ACTL9: variants seen among roughly 807,000 people sequenced by gnomAD.
ACTL9 encodes actin like 9.
ACTL9 carries 1 observed loss-of-function variant against 0.9 expected under a neutral mutation model. That is an observed-to-expected ratio of 1.10 (90% confidence interval 0.39 to 5.23). ACTL9 has a LOEUF of 5.23. Among genes scored for constraint, ACTL9 ranks in the 30% most tolerant of loss-of-function variants. The pLI is 0.16. For synonymous variants in ACTL9, 283 were observed against 269.5 expected (o/e 1.05, Z -0.49); for missense variants, 597 against 566.8 (o/e 1.05, Z -0.54).
rs782177702 is a variant in ACTL9 at position 8,697,676 on chromosome 19, A to C, written c.1026T>G (p.Gly342=). 1.2e-6 allele frequency: 2 copies of C among 1,613,018 alleles called. No homozygotes were observed. The highest frequency in any genetic ancestry group is 1.7e-5 in the Admixed American group (1 of 59,986). The change falls in exon 1 of 1, where the codon GGT becomes GGG. Residue 342 remains glycine (G), a synonymous_variant. Transcript: ENST00000324436. This position sits in a 1 kb window ranked among gnomAD's most constrained non-coding sequence, Gnocchi z 4.3. ...ADLAQNVLLC[G]GSSLFTGFEG... ...CGAAGCCGGTGAAGAGCGAGGACCC[A>C]CCGCAGAGAAGCACGTTTTGGGCCA...
Position 8,698,786 on chromosome 19 carries a change from G to C in ACTL9, c.-85C>G, listed in dbSNP as rs1395901365. ...GGTTGAGGCCCGGCCAGTGGGGAGG[G>C]CAGGCAGACAGGGGGAGGGGTGGGC... On this transcript the variant is annotated 5_prime_UTR_variant, in exon 1 of 1. Transcript: ENST00000324436. 1.5e-6 allele frequency: 2 copies of C among 1,302,748 alleles called. No individual in the cohort carries two copies. Among genetic ancestry groups the C allele is most frequent in the Non-Finnish European group, 2.0e-6 (2 of 977,164 alleles). The allele number at this position is 1,302,748 out of a possible 1,614,324, so 80.7% of individuals were successfully genotyped here.
At position 8,698,300 on chromosome 19, in the gene ACTL9, C is replaced by T; in HGVS notation, c.402G>A (p.Glu134=). The T allele has an allele frequency of 3.9e-6, 6 of 1,537,146 alleles. No individual in the cohort carries two copies. The highest frequency in any genetic ancestry group is 5.3e-6 in the Non-Finnish European group (6 of 1,140,112). ...AAELIWRHLL[E]HDLRVATHDH... is the part of the protein sequence containing the mutation. ...CGTGGGTGGCCACTCGGAGGTCGTG[C>T]TCCAGCAGGTGGCGCCAGATGAGCT... The change falls in exon 1 of 1, where the codon GAG becomes GAA. Residue 134 remains glutamate, a synonymous_variant. Coordinates refer to ENST00000324436, the MANE Select transcript of ACTL9 (RefSeq NM_178525.5).
rs376723016 is a variant in ACTL9, at chr19:8,698,266, G to A, written c.436C>T (p.Leu146=). ...CTGAAGGGTGGGTCGGAGAACAGCA[G>A]CGGGTGGTCGTGGGTGGCCACTCGG... ...DLRVATHDHP[L]LFSDPPFSPA... is the part of the protein sequence containing the mutation. The change falls in exon 1 of 1, where the codon CTG becomes TTG. Residue 146 remains leucine, a synonymous_variant. Coordinates refer to ENST00000324436, the MANE Select transcript of ACTL9 (RefSeq NM_178525.5). 1.9e-6 allele frequency: 3 copies of A among 1,554,790 alleles called. No individual in the cohort carries two copies. Among genetic ancestry groups the A allele is most frequent in the East Asian group, 4.5e-5 (2 of 44,278 alleles).
rs142929347 is a variant in ACTL9 at position 8,697,921 on chromosome 19, C to G, written c.781G>C (p.Val261Leu). 3 of 1,613,634 alleles carry G rather than the reference C, an allele frequency of 1.9e-6. No individual in the cohort carries two copies. The highest frequency in any genetic ancestry group is 1.7e-5 in the Admixed American group (1 of 60,026). ...TGCTCCTTCTGGAAGTCGGAGGCCA[C>G]GTAGCAATAGTGGTGCTTAATGTTC... is the stretch of plus-strand genomic sequence containing the variant. Reference protein sequence around the residue: ...VENIKHHYCYVASDFQKEQAR... With the variant: ...VENIKHHYCYLASDFQKEQAR... Residue 261 changes from valine to leucine, a missense_variant, in exon 1 of 1, where the codon GTG becomes CTG. Coordinates refer to ENST00000324436, the MANE Select transcript of ACTL9 (RefSeq NM_178525.5). This position sits in a 1 kb window ranked among gnomAD's most constrained non-coding sequence, Gnocchi z 4.3.
In ACTL9 at chr19:8,698,445, G is replaced by A. The variant is rs781989540; in HGVS notation, c.257C>T (p.Pro86Leu). Reference protein sequence around the residue: ...ATILGCQPKKPATSGQSGLQT... With the variant: ...ATILGCQPKKLATSGQSGLQT... ...CAGCCCGGACTGCCCCGAGGTGGCG[G>A]GTTTCTTGGGCTGGCAGCCCAGGAT... The change falls in exon 1 of 1, where the codon CCC becomes CTC. Residue 86 changes from proline (P) to leucine (L), a missense_variant. By Grantham distance (98) the Pro-to-Leu change is moderately conservative. Coordinates refer to ENST00000324436, the MANE Select transcript of ACTL9 (RefSeq NM_178525.5). 6.6e-7 allele frequency: 1 copy of A among 1,526,586 alleles called. No homozygotes were observed. Among genetic ancestry groups the A allele is most frequent in the South Asian group, 1.3e-5 (1 of 77,182 alleles). The allele number at this position is 1,526,586 out of a possible 1,614,324, so 94.6% of individuals were successfully genotyped here. A position where few individuals can be genotyped will look rare whatever the true frequency, so the allele number is the denominator to read the frequency against.
chr19:8,698,775 C>A lies in ACTL9; in HGVS notation c.-74G>T. 12 of 1,330,492 alleles carry A rather than the reference C, an allele frequency of 9.0e-6. No homozygotes were observed. Among genetic ancestry groups the A allele is most frequent in the South Asian group, 7.9e-5 (4 of 50,934 alleles). 82.4% of individuals were successfully genotyped at this position (1,330,492 alleles called of 1,614,324 possible). ...CGGGGAGAAGAGGTTGAGGCCCGGC[C>A]AGTGGGGAGGGCAGGCAGACAGGGG... On this transcript the variant is annotated 5_prime_UTR_variant, in exon 1 of 1. Transcript: ENST00000324436.
Position 8,697,667 on chromosome 19 carries a change from C to G in ACTL9, c.1035G>C (p.Ser345=). The G allele has an allele frequency of 6.2e-7, 1 of 1,612,860 alleles. No individual in the cohort carries two copies. Among genetic ancestry groups the G allele is most frequent in the Non-Finnish European group, 8.5e-7 (1 of 1,179,826 alleles). The part of the protein sequence containing the change: ...AQNVLLCGGS[S]LFTGFEGRFR... ...AGCGACCCTCGAAGCCGGTGAAGAGCGAGGACCCACCGCAGAGAAGCACGT... is the reference window on the plus strand; with the variant it reads ...AGCGACCCTCGAAGCCGGTGAAGAGGGAGGACCCACCGCAGAGAAGCACGT... Residue 345 remains serine, a synonymous_variant, in exon 1 of 1, where the codon TCG becomes TCC. Transcript: ENST00000324436. The surrounding 1 kb of genome is among the most constrained non-coding windows in gnomAD (Gnocchi z 4.3).
chr19:8,697,610 G>A lies in ACTL9; in HGVS notation c.1092C>T (p.Ala364=). The part of the protein sequence containing the change: ...FRAELLRALP[A]ETHVVVAAQP... ...GGGCAGCCACCACCACGTGGGTCTC[G>A]GCTGGCAGAGCGCGCAGCAGCTCTG... Residue 364 remains alanine (A), a synonymous_variant, in exon 1 of 1, where the codon GCC becomes GCT. Coordinates refer to ENST00000324436, the MANE Select transcript of ACTL9 (RefSeq NM_178525.5). The surrounding 1 kb of genome is among the most constrained non-coding windows in gnomAD (Gnocchi z 4.3). The A allele has an allele frequency of 1.2e-5, 19 of 1,612,902 alleles. No homozygotes were observed. The highest frequency in any genetic ancestry group is 1.5e-5 in the Non-Finnish European group (18 of 1,179,860).
In ACTL9 at chr19:8,698,164, G is replaced by A. The variant is rs1398192506; in HGVS notation, c.538C>T (p.Gln180Ter). 1.2e-6 allele frequency: 2 copies of A among 1,608,818 alleles called. No individual in the cohort carries two copies. Among genetic ancestry groups the A allele is most frequent in the African/African-American group, 2.7e-5 (2 of 74,946 alleles). ...TGGGCGTAGACAGACAGCACCGACTGCGATGCCACGTACATGGCTGGGGAG... is the reference window on the plus strand; with the variant it reads ...TGGGCGTAGACAGACAGCACCGACTACGATGCCACGTACATGGCTGGGGAG... ...LRSPAMYVAS[Q>*]SVLSVYAHGR... The change falls in exon 1 of 1, where the codon CAG (glutamine) becomes TAG (stop). Residue 180 changes from glutamine (Q) to a stop codon, truncating the protein, a stop_gained. Coordinates refer to ENST00000324436, the MANE Select transcript of ACTL9 (RefSeq NM_178525.5). LOFTEE classifies it low-confidence loss of function (END_TRUNC).
rs541084329 is a variant in ACTL9, at chr19:8,697,453, A to C, written c.1249T>G (p.Ter417GlyextTer?). Residue 417 changes from the stop codon to glycine (G), a stop_lost, in exon 1 of 1, where the codon TGA (stop) becomes GGA (glycine). Transcript: ENST00000324436. The surrounding 1 kb of genome is among the most constrained non-coding windows in gnomAD (Gnocchi z 4.3). Reference sequence around the variant, plus strand: ...CGCCCTCCCCAGCTCTGCCCTGGTCAGTAGCATTTGCGGTACACGATATAG... The same window carrying C: ...CGCCCTCCCCAGCTCTGCCCTGGTCCGTAGCATTTGCGGTACACGATATAG... ...GPYIVYRKCY[*>G] 6.3e-7 allele frequency: 1 copy of C among 1,586,682 alleles called. No homozygotes were observed. Among genetic ancestry groups the C allele is most frequent in the South Asian group, 1.1e-5 (1 of 87,182 alleles).
Position 8,698,201 on chromosome 19 carries a change from GA to G in ACTL9, c.500del (p.Phe167SerfsTer62). The G allele has an allele frequency of 1.2e-6, 2 of 1,605,564 alleles. No individual in the cohort carries two copies. The highest frequency in any genetic ancestry group is 8.5e-7 in the Non-Finnish European group (1 of 1,176,902). On this transcript the variant is annotated frameshift_variant, in exon 1 of 1. Transcript: ENST00000324436. LOFTEE classifies it low-confidence loss of function (END_TRUNC). ...ACATGGCTGGGGAGCGCAGCGACTC[GA>G]AGGCCACCTCCACTAGCTTCTCGCG... ...TNREKLVEVA[F>X]ESLRSPAMYV...
Position 8,697,831 on chromosome 19 carries a change from C to T in ACTL9, c.871G>A (p.Gly291Ser). ...TCCGGACACTGGAACAGCTCCTTGC[C>T]CAGGGTGACCGTGCGCCCATCGGGC... is the stretch of plus-strand genomic sequence containing the variant. ...KLPDGRTVTL[G>S]KELFQCPELL... The change falls in exon 1 of 1, where the codon GGC (glycine) becomes AGC (serine). Residue 291 changes from glycine (G) to serine (S), a missense_variant. By Grantham distance (56) the Gly-to-Ser change is moderately conservative. Coordinates refer to ENST00000324436, the MANE Select transcript of ACTL9 (RefSeq NM_178525.5). The surrounding 1 kb of genome is among the most constrained non-coding windows in gnomAD (Gnocchi z 4.3). 1 of 1,613,076 alleles carries T rather than the reference C, an allele frequency of 6.2e-7. No homozygotes were observed. Among genetic ancestry groups the T allele is most frequent in the Non-Finnish European group, 8.5e-7 (1 of 1,179,902 alleles).
At position 8,698,185 on chromosome 19, in the gene ACTL9, G is replaced by C. The variant is rs1555753410; in HGVS notation, c.517C>G (p.Pro173Ala). 4 of 1,608,554 alleles carry C rather than the reference G, an allele frequency of 2.5e-6. No individual in the cohort carries two copies. Among genetic ancestry groups the C allele is most frequent in the Admixed American group, 1.7e-5 (1 of 59,906 alleles). The change falls in exon 1 of 1, where the codon CCA (proline) becomes GCA (alanine). Residue 173 changes from proline (P) to alanine (A), a missense_variant. By Grantham distance (27) the Pro-to-Ala change is conservative. Coordinates refer to ENST00000324436, the MANE Select transcript of ACTL9 (RefSeq NM_178525.5). ...GACTGCGATGCCACGTACATGGCTG[G>C]GGAGCGCAGCGACTCGAAGGCCACC... ...VEVAFESLRS[P>A]AMYVASQSVL...
rs782704137 is a variant in ACTL9, at chr19:8,697,838, G to C, written c.864C>G (p.Val288=). Residue 288 remains valine, a synonymous_variant, in exon 1 of 1, where the codon GTC becomes GTG. Coordinates refer to ENST00000324436, the MANE Select transcript of ACTL9 (RefSeq NM_178525.5). This position sits in a 1 kb window ranked among gnomAD's most constrained non-coding sequence, Gnocchi z 4.3. ...ACTGGAACAGCTCCTTGCCCAGGGT[G>C]ACCGTGCGCCCATCGGGCAGCTTCA... The part of the protein sequence containing the change: ...RTLKLPDGRT[V]TLGKELFQCP... The C allele has an allele frequency of 1.9e-6, 3 of 1,613,186 alleles. No individual in the cohort carries two copies. Among genetic ancestry groups the C allele is most frequent in the Non-Finnish European group, 2.5e-6 (3 of 1,179,948 alleles).
At position 8,697,535 on chromosome 19, in the gene ACTL9, G is replaced by A; in HGVS notation, c.1167C>T (p.Ser389=). ...CCCAGCAGGACTGGAAGGCGCGCAG[G>A]GAGGCCAGGATGGAGCCCCCGATCC... ...SVWIGGSILA[S]LRAFQSCWVL... Residue 389 remains serine (S), a synonymous_variant, in exon 1 of 1, where the codon TCC becomes TCT. Transcript: ENST00000324436. This position sits in a 1 kb window ranked among gnomAD's most constrained non-coding sequence, Gnocchi z 4.3. 9 of 1,613,710 alleles carry A rather than the reference G, an allele frequency of 5.6e-6. No homozygotes were observed. The highest frequency in any genetic ancestry group is 7.6e-6 in the Non-Finnish European group (9 of 1,179,890).
rs782672512 is a variant in ACTL9 at position 8,697,961 on chromosome 19, G to C, written c.741C>G (p.Asp247Glu). 5 of 1,611,986 alleles carry C rather than the reference G, an allele frequency of 3.1e-6. No homozygotes were observed. Among genetic ancestry groups the C allele is most frequent in the Non-Finnish European group, 4.2e-6 (5 of 1,180,014 alleles). ...GCTTAATGTTCTCCACTAGGTCCAG[G>C]TCCTGCTGTCCCAGGGGCAGGCCGG... ...LQAGLPLGQQ[D>E]LDLVENIKHH... The change falls in exon 1 of 1, where the codon GAC (aspartate) becomes GAG (glutamate). Residue 247 changes from aspartate to glutamate, a missense_variant. Transcript: ENST00000324436. The surrounding 1 kb of genome is among the most constrained non-coding windows in gnomAD (Gnocchi z 4.3).
chr19:8,698,587 C>G lies in ACTL9; in HGVS notation c.115G>C (p.Gly39Arg), dbSNP rs1568431611. 3 of 1,612,216 alleles carry G rather than the reference C, an allele frequency of 1.9e-6. No homozygotes were observed. Among genetic ancestry groups the G allele is most frequent in the Non-Finnish European group, 1.7e-6 (2 of 1,178,828 alleles). Reference sequence around the variant, plus strand: ...GGTGGCAGCCTGTCGGCCACCATGCCGGGGGAGTCCCGCTGCAGGGGCTTG... The same window carrying G: ...GGTGGCAGCCTGTCGGCCACCATGCGGGGGGAGTCCCGCTGCAGGGGCTTG... The part of the protein sequence containing the change: ...VNKPLQRDSP[G>R]MVADRLPPKT... Residue 39 changes from glycine (G) to arginine (R), a missense_variant, in exon 1 of 1, where the codon GGC (glycine) becomes CGC (arginine). Physicochemically the swap from Gly to Arg is moderately radical, Grantham distance 125. Transcript: ENST00000324436.
Position 8,698,679 on chromosome 19 carries a change from G to A in ACTL9, c.23C>T (p.Ser8Phe). MDASRPK[S>F]SESQSSLEAP... ...CTCCAGGGAGGACTGGGATTCCGAG[G>A]ACTTGGGGCGACTTGCATCCATGGT... The change falls in exon 1 of 1, where the codon TCC (serine) becomes TTC (phenylalanine). Residue 8 changes from serine to phenylalanine, a missense_variant. Physicochemically the swap from Ser to Phe is radical, Grantham distance 155 (BLOSUM62 -2). Transcript: ENST00000324436. 1.3e-6 allele frequency: 2 copies of A among 1,526,458 alleles called. No homozygotes were observed. Among genetic ancestry groups the A allele is most frequent in the Non-Finnish European group, 1.8e-6 (2 of 1,130,900 alleles). 94.6% of individuals were successfully genotyped at this position (1,526,458 alleles called of 1,614,324 possible).
chr19:8,698,782 G>C lies in ACTL9; in HGVS notation c.-81C>G. 2.2e-6 allele frequency: 3 copies of C among 1,333,986 alleles called. No homozygotes were observed. Among genetic ancestry groups the C allele is most frequent in the Non-Finnish European group, 3.0e-6 (3 of 1,002,998 alleles). 82.6% of individuals were successfully genotyped at this position (1,333,986 alleles called of 1,614,324 possible). Reference sequence around the variant, plus strand: ...AAGAGGTTGAGGCCCGGCCAGTGGGGAGGGCAGGCAGACAGGGGGAGGGGT... The same window carrying C: ...AAGAGGTTGAGGCCCGGCCAGTGGGCAGGGCAGGCAGACAGGGGGAGGGGT... On this transcript the variant is annotated 5_prime_UTR_variant, in exon 1 of 1. Coordinates refer to ENST00000324436, the MANE Select transcript of ACTL9 (RefSeq NM_178525.5).
Sources: gnomAD v4.1 joint callset for allele counts on GRCh38, gnomAD v4.1.1 for gene constraint, Gnocchi (gnomAD v3.1) non-coding constraint, MANE v1.5 for transcripts, NCBI Gene and HGNC (gene_info 2026-07-23, HGNC 2026-07-21) for gene names.